MYT1L: variants seen among roughly 807,000 people sequenced by gnomAD.
MYT1L encodes the protein myelin transcription factor 1 like.
Under a neutral mutation model 126.7 loss-of-function variants are expected in MYT1L, and 12 were observed. The observed-to-expected ratio is 0.09, with a 90% confidence interval of 0.06 to 0.15. MYT1L has a LOEUF of 0.15. MYT1L is among the 10% of genes least tolerant of loss of function. MYT1L has a pLI of 1.00. For synonymous variants in MYT1L, 541 were observed against 604.2 expected (o/e 0.90, Z 1.53); for missense variants, 979 against 1,585.2 (o/e 0.62, Z 6.49).
intron 18 of MYT1L, among the ~76,000 whole-genome samples, chr2:1,881,955 T>A (rs996330310): frequency 2.6e-5 from 4 of 152,126 alleles, no homozygotes; most frequent in African/African-American, 4.8e-5. Flanking sequence ...GGAGCAGGCA[T>A]GAAGCGTGGG....
chr2:1,892,425 GTAAA>G, intron 14 of MYT1L, 138 bp from the exon 15 acceptor site: 1 of 1,182,088 alleles, frequency 8.5e-7, no homozygotes, highest in Non-Finnish European at 1.1e-6. Flanking sequence ...GGGCTTACGC[GTAAA>G]GAAAACAAAC....
chr2:1,953,458 T>C (rs2058064864), intron 8 of MYT1L, among the ~76,000 whole-genome samples: 2 of 152,210 alleles, frequency 1.3e-5, no homozygotes, highest in African/African-American at 4.8e-5. Context: ...CCATCTCAAG[T>C]TCCCCCTTCT....
intron 18 of MYT1L, among the ~76,000 whole-genome samples, chr2:1,854,476 T>A (rs185231702): frequency 6.6e-6 from 1 of 152,328 alleles, no homozygotes; most frequent in East Asian, 1.9e-4. Flanking sequence ...GCAAGTGTGC[T>A]GCTGAAGTCT....
At chr2:1,873,035 C>T (rs2046451994) in intron 18 of MYT1L, among the ~76,000 whole-genome samples, 1 of 152,164 alleles carries the variant, frequency 6.6e-6, no homozygotes, top group Non-Finnish European at 1.5e-5. Flanking sequence ...ACTGCCCCAG[C>T]TCCTGCCTCC....
chr2:1,982,196 A>G (rs1056880798), intron 5 of MYT1L, among the ~76,000 whole-genome samples: 4 of 152,196 alleles, frequency 2.6e-5, no homozygotes, highest in East Asian at 1.9e-4. Context: ...AGAAGCCTAA[A>G]GCAATGGCAA....
Position 2,026,074 on chromosome 2 carries a change from ACCATGTG to A in MYT1L, c.-158+27897_-158+27903del, listed in dbSNP as rs143365168. On this transcript the variant is annotated intron_variant, in intron 4 of 24. Transcript: ENST00000647738. ...ATTTAACAGACTTTCCCTCAGTACC[ACCATGTG>A]CCATGCTCTAGTTAGGGGTCTAGGG... Among the ~76,000 whole-genome samples the A allele has an allele frequency of 1.7e-4, 26 of 152,314 alleles. No individual in the cohort carries two copies. The East Asian group carries it at 4.8e-3, about 28-fold the overall frequency.
intron 4 of MYT1L, among the ~76,000 whole-genome samples, chr2:2,021,896 CA>C (rs1365582607): frequency 2.7e-5 from 4 of 150,772 alleles, no homozygotes; most frequent in African/African-American, 9.7e-5. Context: ...GACTCCATCT[CA>C]AAAAACAAAA....
rs1369651641 is a variant in MYT1L, at chr2:2,059,581, G to A, written c.-303-5458C>T. ...TCCCTGCCAAAGGCCTTGCACCAAAGCACAAACGGACGCAGGACTGCAGTT... is the reference window on the plus strand; with the variant it reads ...TCCCTGCCAAAGGCCTTGCACCAAAACACAAACGGACGCAGGACTGCAGTT... On this transcript the variant is annotated intron_variant, in intron 3 of 24. Transcript: ENST00000647738. This position sits in a 1 kb window ranked among gnomAD's most constrained non-coding sequence, Gnocchi z 4.7. 6.6e-6 allele frequency among the ~76,000 whole-genome samples: 1 copy of A among 152,154 alleles called. No homozygotes were observed. Among genetic ancestry groups the A allele is most frequent in the Non-Finnish European group, 1.5e-5 (1 of 68,024 alleles).
intron 4 of MYT1L, among the ~76,000 whole-genome samples, chr2:2,003,918 C>T (rs982684579): frequency 6.6e-6 from 1 of 152,232 alleles, no homozygotes; most frequent in African/African-American, 2.4e-5. Flanking sequence ...TCATGCCTTT[C>T]GTGCATGCCT....
intron 3 of MYT1L, among the ~76,000 whole-genome samples, chr2:2,092,087 T>G (rs2076966295): frequency 6.6e-6 from 1 of 152,248 alleles, no homozygotes. Flanking sequence ...AATATTTTCT[T>G]TGCATTCAAA....
chr2:1,842,837 T>G (rs1455096193), intron 19 of MYT1L: 1 of 159,762 alleles, frequency 6.3e-6, no homozygotes, highest in Non-Finnish European at 1.4e-5. Context: ...TCCGTTGATG[T>G]CACACCCAAG....
At chr2:2,101,656 C>T (rs1002060154) in intron 3 of MYT1L, among the ~76,000 whole-genome samples, 7 of 151,916 alleles carry the variant, frequency 4.6e-5, no homozygotes, top group African/African-American at 1.5e-4. Context: ...CATCCACCAT[C>T]CACCCATCCA....
At position 2,107,770 on chromosome 2, in the gene MYT1L, C is replaced by T. The variant is rs887489607; in HGVS notation, c.-303-53647G>A. Among the ~76,000 whole-genome samples the T allele has an allele frequency of 3.9e-5, 6 of 152,180 alleles. No individual in the cohort carries two copies. In the South Asian group the frequency reaches 6.2e-4, roughly 16 times the overall value. On this transcript the variant is annotated intron_variant, in intron 3 of 24. Transcript: ENST00000647738. ...GAGGGAAGAGGATTCTCAGAATAGA[C>T]GTTGAGCCGCGAATGAGAGAGGACA...
chr2:1,854,431 C>CA (rs2043654816), intron 18 of MYT1L, among the ~76,000 whole-genome samples: 1 of 152,094 alleles, frequency 6.6e-6, no homozygotes, highest in Non-Finnish European at 1.5e-5. Flanking sequence ...ACTGCAAGCT[C>CA]AAATGTATCT....
At chr2:2,278,512 C>T (rs543518040) in intron 2 of MYT1L, among the ~76,000 whole-genome samples, 3 of 152,246 alleles carry the variant, frequency 2.0e-5, no homozygotes, top group Admixed American at 6.5e-5. Flanking sequence ...TGGCCACTGT[C>T]GCTTATCTAG....
At chr2:1,829,297 T>A (rs1354719825) in intron 21 of MYT1L, among the ~76,000 whole-genome samples, 1 of 147,440 alleles carries the variant, frequency 6.8e-6, no homozygotes, top group Non-Finnish European at 1.5e-5. Context: ...ACCTGTGAAC[T>A]GACCCTCCCA....
intron 21 of MYT1L, among the ~76,000 whole-genome samples, chr2:1,830,760 A>G (rs1233836647): frequency 6.6e-6 from 1 of 152,084 alleles, no homozygotes; most frequent in Non-Finnish European, 1.5e-5. Flanking sequence ...TCCTTCCCTC[A>G]GGAGCCTCTT....
chr2:2,237,674 C>T (rs2094351601), intron 2 of MYT1L, among the ~76,000 whole-genome samples: 1 of 152,276 alleles, frequency 6.6e-6, no homozygotes, highest in Admixed American at 6.5e-5. Context: ...GGGTGCCAGG[C>T]CCCTTTACAT....
intron 3 of MYT1L, among the ~76,000 whole-genome samples, chr2:2,101,154 T>A (rs948817194): frequency 6.6e-6 from 1 of 152,210 alleles, no homozygotes; most frequent in Non-Finnish European, 1.5e-5. Flanking sequence ...GTTATATACA[T>A]ATTTCCTGAT....
Sources: gnomAD v4.1 joint callset for allele counts (sites outside exome capture counted in the v4.1 genomes callset) on GRCh38, gnomAD v4.1.1 for gene constraint, Gnocchi (gnomAD v3.1) non-coding constraint, MANE v1.5 for transcripts, NCBI Gene and HGNC (gene_info 2026-07-23, HGNC 2026-07-21) for gene names.